The following EPB41L4A variants were observed in gnomAD, a reference collection of about 807,000 sequenced individuals.
EPB41L4A encodes erythrocyte membrane protein band 4.1 like 4A.
EPB41L4A carries 100 observed loss-of-function variants against 108.6 expected under a neutral mutation model. The ratio of observed to expected loss-of-function variants is 0.92; its 90% CI spans 0.78 to 1.09. The LOEUF (loss-of-function observed/expected upper bound fraction) is 1.09. Among genes scored for constraint, EPB41L4A ranks in the 50% least tolerant of loss-of-function variants. The probability of loss-of-function intolerance (pLI) is 0.00; values close to 1 mark genes in which losing one functional copy is unlikely to be tolerated. For missense variants in EPB41L4A, 1,030 were observed against 842.7 expected, an observed-to-expected ratio of 1.22 and a Z score of -2.75; for synonymous variants, 319 against 289.0, an observed-to-expected ratio of 1.10 and a Z score of -1.05.
chr5:112,398,808 T>C (rs1761549451), intron 1 of EPB41L4A, among the ~76,000 whole-genome samples: 2 of 152,040 alleles, frequency 1.3e-5, no homozygotes, highest in African/African-American at 4.8e-5. Flanking sequence ...GCCAATCTTA[T>C]TCGAGTTCAT....
At chr5:112,276,740 G>C (rs1048699421) in intron 3 of EPB41L4A, among the ~76,000 whole-genome samples, 1 of 152,042 alleles carries the variant, frequency 6.6e-6, no homozygotes, top group Admixed American at 6.5e-5. Context: ...AAGAATAAAG[G>C]TATCATGTAT....
chr5:112,292,533 T>C (rs776514003), intron 2 of EPB41L4A, among the ~76,000 whole-genome samples: 5 of 152,166 alleles, frequency 3.3e-5, no homozygotes, highest in Non-Finnish European at 7.3e-5. Flanking sequence ...CACAGCTTTT[T>C]AACAATTCCA....
chr5:112,402,280 C>T (rs1761811010), intron 1 of EPB41L4A, among the ~76,000 whole-genome samples: 1 of 152,096 alleles, frequency 6.6e-6, no homozygotes, highest in African/African-American at 2.4e-5. Flanking sequence ...TGTAAGTTTC[C>T]TGAGGCCCCC....
At chr5:112,172,258 C>G (rs1337496913) in intron 18 of EPB41L4A, among the ~76,000 whole-genome samples, 1 of 152,132 alleles carries the variant, frequency 6.6e-6, no homozygotes, top group Non-Finnish European at 1.5e-5. Flanking sequence ...AGCCTGTAAT[C>G]CCAGCACTTT....
chr5:112,395,738 AT>A lies in EPB41L4A; in HGVS notation c.99+23202del, dbSNP rs1166571124. 2.0e-5 allele frequency among the ~76,000 whole-genome samples: 3 copies of A among 152,236 alleles called. No individual in the cohort carries two copies. In the East Asian group the frequency reaches 5.8e-4, roughly 29 times the overall value. On this transcript the variant is annotated intron_variant, in intron 1 of 22. Coordinates refer to ENST00000261486, the MANE Select transcript of EPB41L4A (RefSeq NM_022140.5). ...AAATACCATTTGACCCAGTGATCCC[AT>A]TACTGGGTATATACCCAAAGATTAT... is the stretch of plus-strand genomic sequence containing the variant.
chr5:112,293,569 G>A (rs1753796531), intron 2 of EPB41L4A, among the ~76,000 whole-genome samples: 1 of 152,180 alleles, frequency 6.6e-6, no homozygotes, highest in Admixed American at 6.5e-5. Flanking sequence ...AAGAACTAAA[G>A]TTCAAAATGT....
At chr5:112,277,522 C>T (rs886428700) in intron 3 of EPB41L4A, among the ~76,000 whole-genome samples, 2 of 152,078 alleles carry the variant, frequency 1.3e-5, no homozygotes, top group Non-Finnish European at 2.9e-5. Context: ...GTTTCATAAA[C>T]ATTTGATTCT....
chr5:112,155,819 G>C (rs1410267161), intron 12 of EPB41L4A, among the ~76,000 whole-genome samples: 3 of 152,026 alleles, frequency 2.0e-5, no homozygotes, highest in Admixed American at 6.6e-5. Context: ...AAATTAGTTT[G>C]GGTTCACAAG....
intron 1 of EPB41L4A, among the ~76,000 whole-genome samples, chr5:112,336,457 C>T (rs1756928372): frequency 1.3e-5 from 2 of 152,104 alleles, no homozygotes; most frequent in African/African-American, 2.4e-5. Context: ...TTCCTCATCC[C>T]GCCAACCCCT....
At chr5:112,340,000 T>C (rs910743545) in intron 1 of EPB41L4A, among the ~76,000 whole-genome samples, 3 of 152,122 alleles carry the variant, frequency 2.0e-5, no homozygotes, top group Non-Finnish European at 4.4e-5. Flanking sequence ...AGTTGGTTAA[T>C]AAGAGAAAGT....
chr5:112,376,821 T>C (rs1237300470), intron 1 of EPB41L4A, among the ~76,000 whole-genome samples: 1 of 152,020 alleles, frequency 6.6e-6, no homozygotes, highest in Admixed American at 6.6e-5. Flanking sequence ...TATGACATTC[T>C]TGAAATAAAA....
In EPB41L4A at chr5:112,170,338, C is replaced by T. The variant is rs761599799; in HGVS notation, c.1702G>A (p.Glu568Lys). Residue 568 changes from glutamate (E) to lysine (K), a missense_variant, in exon 20 of 23, where the codon GAA (glutamate) becomes AAA (lysine). Coordinates refer to ENST00000261486, the MANE Select transcript of EPB41L4A (RefSeq NM_022140.5). ...TATGGAATCTCTTTTAATTGTTCTTCGGACAATCCGGATGGATCCACAAGT... is the reference window on the plus strand; with the variant it reads ...TATGGAATCTCTTTTAATTGTTCTTTGGACAATCCGGATGGATCCACAAGT... ...KELVDPSGLS[E>K]EQLKEIPYTK... is the part of the protein sequence containing the mutation. The T allele has an allele frequency of 6.8e-6, 11 of 1,612,298 alleles. No homozygotes were observed. The highest frequency in any genetic ancestry group is 3.3e-5 in the Admixed American group (2 of 59,806).
At chr5:112,368,417 G>T (rs1342652057) in intron 1 of EPB41L4A, among the ~76,000 whole-genome samples, 1 of 151,858 alleles carries the variant, frequency 6.6e-6, no homozygotes, top group African/African-American at 2.4e-5. Context: ...CCATTAGCTT[G>T]CCCTTTCATA....
At position 112,286,945 on chromosome 5, in the gene EPB41L4A, T is replaced by C. The variant is rs528562532; in HGVS notation, c.205-6622A>G. Among the ~76,000 whole-genome samples the C allele has an allele frequency of 3.8e-4, 58 of 152,262 alleles. No homozygotes were observed. In the South Asian group the frequency reaches 0.011, roughly 29 times the overall value. On this transcript the variant is annotated intron_variant, in intron 2 of 22. Transcript: ENST00000261486. ...AGTATTTACTGCAATTACCTCCACG[T>C]TGTTCCATCATCCATGTTCTTGAAA...
At chr5:112,347,076 C>A (rs1757727951) in intron 1 of EPB41L4A, among the ~76,000 whole-genome samples, 2 of 152,228 alleles carry the variant, frequency 1.3e-5, no homozygotes, top group African/African-American at 4.8e-5. Flanking sequence ...CTAAGATCTA[C>A]ACAAAATTCT....
In EPB41L4A at chr5:112,175,742, G is replaced by A. The variant is rs545054031; in HGVS notation, c.1623-4750C>T. Among the ~76,000 whole-genome samples, 3 of 151,486 alleles carry A rather than the reference G, an allele frequency of 2.0e-5. No individual in the cohort carries two copies. In the South Asian group the frequency reaches 6.3e-4, roughly 32 times the overall value. On this transcript the variant is annotated intron_variant, in intron 18 of 22. Transcript: ENST00000261486. ...AAGATATGTGTGTGTGTGTGTATAT[G>A]TATATATATATGAAGGATAATTTTG...
chr5:112,160,202 G>A (rs2112834850), downstream of EPB41L4A, among the ~76,000 whole-genome samples: 1 of 152,194 alleles, frequency 6.6e-6, no homozygotes, highest in South Asian at 2.1e-4. Flanking sequence ...GAGCCACCGC[G>A]CCCGGCGTTC....
chr5:112,402,819 A>G (rs547569089), intron 1 of EPB41L4A, among the ~76,000 whole-genome samples: 1 of 152,220 alleles, frequency 6.6e-6, no homozygotes, highest in Admixed American at 6.5e-5. Context: ...CAGTACCTCA[A>G]TTTTCATACT....
At chr5:112,218,301 G>T (rs1747801417) in intron 12 of EPB41L4A, among the ~76,000 whole-genome samples, 1 of 152,150 alleles carries the variant, frequency 6.6e-6, no homozygotes, top group South Asian at 2.1e-4. Context: ...AGCCCTCTTG[G>T]ACCCAAAGAT....
Sources: gnomAD v4.1 joint callset for allele counts (sites outside exome capture counted in the v4.1 genomes callset) on GRCh38, gnomAD v4.1.1 for gene constraint, MANE v1.5 for transcripts, NCBI Gene and HGNC (gene_info 2026-07-23, HGNC 2026-07-21) for gene names.